The following KAZN variants were observed in gnomAD, a reference collection of about 807,000 sequenced individuals.
KAZN encodes the protein kazrin.
A neutral mutation model predicts 87.4 loss-of-function variants in KAZN; 40 were observed. That is an observed-to-expected ratio of 0.46 (90% confidence interval 0.36 to 0.60). KAZN has a LOEUF of 0.60. Ranked by LOEUF, KAZN falls within the 20% of genes least tolerant of loss-of-function variation. The pLI, the probability that KAZN is intolerant of heterozygous loss-of-function variation, is 0.00. For synonymous variants in KAZN, 466 were observed against 458.3 expected, an observed-to-expected ratio of 1.02 and a Z score of -0.22; for missense variants, 898 against 1,073.9, an observed-to-expected ratio of 0.84 and a Z score of 2.29.
intron 2 of KAZN, among the ~76,000 whole-genome samples, chr1:14,521,280 A>G (rs960057839): frequency 6.6e-6 from 1 of 152,122 alleles, no homozygotes; most frequent in Non-Finnish European, 1.5e-5. Flanking sequence ...ATCTCTTTTC[A>G]CTCAGTGTGC....
chr1:15,011,781 C>T (rs1260624286), intron 2 of KAZN, among the ~76,000 whole-genome samples: 1 of 152,152 alleles, frequency 6.6e-6, no homozygotes, highest in African/African-American at 2.4e-5. Context: ...AGCAGGGAAT[C>T]TTGTGTCCTC....
intron 2 of KAZN, among the ~76,000 whole-genome samples, chr1:14,401,743 T>C (rs1242562055): frequency 6.6e-6 from 1 of 152,132 alleles, no homozygotes; most frequent in Non-Finnish European, 1.5e-5. Flanking sequence ...AATTCATTTA[T>C]TATAGGAAAA....
chr1:15,019,838 G>A (rs1451808877), intron 2 of KAZN, among the ~76,000 whole-genome samples: 3 of 152,326 alleles, frequency 2.0e-5, no homozygotes, highest in African/African-American at 7.2e-5. Context: ...TTACTGTGGT[G>A]ATTGTTATCA....
chr1:14,466,873 G>A (rs1668178965), intron 2 of KAZN, among the ~76,000 whole-genome samples: 4 of 152,166 alleles, frequency 2.6e-5, no homozygotes, highest in Admixed American at 1.3e-4. Context: ...GGAGGCTGAG[G>A]CAGGAGAATG....
chr1:13,894,538 C>T (rs777326731), intron 1 of KAZN, among the ~76,000 whole-genome samples: 3 of 152,072 alleles, frequency 2.0e-5, no homozygotes, highest in African/African-American at 4.8e-5. Flanking sequence ...ACTTTTTTGG[C>T]GTTAATTCTC....
chr1:14,431,030 T>C (rs907364398), intron 2 of KAZN, among the ~76,000 whole-genome samples: 1 of 152,232 alleles, frequency 6.6e-6, no homozygotes, highest in Non-Finnish European at 1.5e-5. Context: ...GGAGAAGTTA[T>C]CATGGTTTGT....
At chr1:14,804,686 A>T (rs1236646473) in intron 1 of KAZN, among the ~76,000 whole-genome samples, 2 of 152,334 alleles carry the variant, frequency 1.3e-5, no homozygotes, top group Non-Finnish European at 2.9e-5. Flanking sequence ...GGAGAGACAC[A>T]TCAGGCTCTT....
intron 1 of KAZN, among the ~76,000 whole-genome samples, chr1:14,665,908 G>C (rs1323748793): frequency 7.3e-6 from 1 of 136,420 alleles, no homozygotes; most frequent in Non-Finnish European, 1.5e-5. Context: ...CAGTTTGGAG[G>C]CTACAAGAAG....
chr1:13,929,047 CTTT>C (rs33984927), intron 1 of KAZN, among the ~76,000 whole-genome samples: 249 of 101,512 alleles, frequency 2.5e-3, no homozygotes, highest in East Asian at 0.015. Flanking sequence ...AGCTTCAAGG[CTTT>C]TTTTTTTTTT....
At chr1:14,314,489 G>A (rs563810725) in intron 2 of KAZN, among the ~76,000 whole-genome samples, 10 of 152,154 alleles carry the variant, frequency 6.6e-5, no homozygotes, top group African/African-American at 2.2e-4. Context: ...TGGCTTTTAA[G>A]TTTGGACAAG....
chr1:15,101,703 T>C lies in KAZN; in HGVS notation c.1708T>C (p.Ser570Pro). The change falls in exon 11 of 15, where the codon TCC becomes CCC. Residue 570 changes from serine to proline, a missense_variant. By Grantham distance (74) the Ser-to-Pro change is moderately conservative (BLOSUM62 -1). Around this residue, in one of 3 missense-constraint regions of KAZN, gnomAD observed 521 missense variants for 689.4 expected, o/e 0.76. Transcript: ENST00000376030. Reference protein sequence around the residue: ...KRDLEKHLNVSKKFHQVSILL... With the variant: ...KRDLEKHLNVPKKFHQVSILL... ...AGACCTGGAGAAGCACCTGAACGTGTCCAAGAAGTTCCACCAGGTCAGCAT... is the reference window on the plus strand; with the variant it reads ...AGACCTGGAGAAGCACCTGAACGTGCCCAAGAAGTTCCACCAGGTCAGCAT... 6.3e-7 allele frequency: 1 copy of C among 1,595,332 alleles called. No homozygotes were observed. The highest frequency in any genetic ancestry group is 8.5e-7 in the Non-Finnish European group (1 of 1,170,734).
chr1:14,899,968 T>C (rs1378128642), intron 1 of KAZN, among the ~76,000 whole-genome samples: 1 of 152,218 alleles, frequency 6.6e-6, no homozygotes, highest in Non-Finnish European at 1.5e-5. Flanking sequence ...TCAAGTAATG[T>C]CTGTCGTCCC....
At chr1:14,703,812 A>G (rs1642058857) in intron 1 of KAZN, among the ~76,000 whole-genome samples, 1 of 152,214 alleles carries the variant, frequency 6.6e-6, no homozygotes, top group Admixed American at 6.5e-5. Context: ...CCAGGAGGTC[A>G]AGGCTGCAGT....
At chr1:14,749,770 T>C (rs575255957) in intron 1 of KAZN, among the ~76,000 whole-genome samples, 2 of 152,270 alleles carry the variant, frequency 1.3e-5, no homozygotes, top group East Asian at 3.9e-4. Flanking sequence ...CTGCCTCTCC[T>C]GGGAGCCATT....
At chr1:14,878,314 G>A (rs965996966) in intron 1 of KAZN, among the ~76,000 whole-genome samples, 2 of 151,930 alleles carry the variant, frequency 1.3e-5, no homozygotes, top group Non-Finnish European at 2.9e-5. Context: ...CTTTGGGGGG[G>A]TGGCTGTCCT....
chr1:14,985,161 C>T (rs527730749), intron 2 of KAZN, among the ~76,000 whole-genome samples: 8 of 146,492 alleles, frequency 5.5e-5, no homozygotes, highest in Admixed American at 2.8e-4. Context: ...ATGGTGGGGT[C>T]GGGGAGGAAG....
chr1:14,853,535 G>A (rs1422917420), intron 1 of KAZN, among the ~76,000 whole-genome samples: 1 of 152,136 alleles, frequency 6.6e-6, no homozygotes, highest in South Asian at 2.1e-4. Flanking sequence ...GTAGGAGGGG[G>A]ATTTGAACCC....
At chr1:14,331,416 G>C (rs1208197403) in intron 2 of KAZN, among the ~76,000 whole-genome samples, 1 of 152,204 alleles carries the variant, frequency 6.6e-6, no homozygotes, top group Non-Finnish European at 1.5e-5. Context: ...ATTGACAGTA[G>C]TTTCTGAGAT....
chr1:14,517,432 G>A (rs931349214), intron 2 of KAZN, among the ~76,000 whole-genome samples: 5 of 152,130 alleles, frequency 3.3e-5, no homozygotes, highest in African/African-American at 1.2e-4. Flanking sequence ...TCTGCCCCTG[G>A]ACTTTCCAAT....
Sources: gnomAD v4.1 joint callset for allele counts (sites outside exome capture counted in the v4.1 genomes callset) on GRCh38, gnomAD v4.1.1 for gene constraint, gnomAD v4.1.1 regional missense constraint, MANE v1.5 for transcripts, NCBI Gene and HGNC (gene_info 2026-07-23, HGNC 2026-07-21) for gene names.